HGF: variants seen among roughly 807,000 people sequenced by gnomAD.
The protein encoded by HGF is hepatocyte growth factor, also known as fibroblast-derived tumor cytotoxic factor.
HGF carries 39 observed loss-of-function variants against 111.6 expected under a neutral mutation model. That is an observed-to-expected ratio of 0.35 (90% confidence interval 0.27 to 0.46). HGF has a LOEUF of 0.46. HGF is among the 20% of genes least tolerant of loss of function. The probability of loss-of-function intolerance (pLI) is 1.00; values close to 1 mark genes in which losing one functional copy is unlikely to be tolerated. For missense variants in HGF, 735 were observed against 910.5 expected (o/e 0.81, Z 2.48); for synonymous variants, 285 against 294.8 (o/e 0.97, Z 0.34).
At position 81,758,724 on chromosome 7, in the gene HGF, A is replaced by G; in HGVS notation, c.335T>C (p.Phe112Ser). ...NSMSSGVKKEFGHEFDLYENK... is the reference protein window; with the variant it reads ...NSMSSGVKKESGHEFDLYENK... ...TTCATAGAGGTCAAATTCATGGCCA[A>G]ATTCTTTTTTCACTCCACTTGACAT... Residue 112 changes from phenylalanine (F) to serine (S), a missense_variant, in exon 3 of 18, where the codon TTT becomes TCT. Phe to Ser is a radical substitution (Grantham distance 155, BLOSUM62 -2). Around this residue, in one of 3 missense-constraint regions of HGF, gnomAD observed 553 missense variants for 685.6 expected, o/e 0.81. Coordinates refer to ENST00000222390, the MANE Select transcript of HGF (RefSeq NM_000601.6). 6.2e-7 allele frequency: 1 copy of G among 1,612,492 alleles called. No individual in the cohort carries two copies. Among genetic ancestry groups the G allele is most frequent in the Non-Finnish European group, 8.5e-7 (1 of 1,178,762 alleles).
chr7:81,764,363 T>C lies in HGF; in HGVS notation c.89-1491A>G, dbSNP rs77015139. Among the ~76,000 whole-genome samples the C allele has an allele frequency of 3.9e-3, 594 of 152,272 alleles. 5 individuals carry two copies. Among genetic ancestry groups the C allele is most frequent in the African/African-American group, 0.014 (567 of 41,580 alleles). On this transcript the variant is annotated intron_variant, in intron 1 of 17. Transcript: ENST00000222390. ...CACAATCTCCAAAAGACAATACTAA[T>C]TCCTGCAATGATGCTTTCATTTTTA... is the stretch of plus-strand genomic sequence containing the variant.
chr7:81,744,086 G>A (rs1054750565), intron 6 of HGF, among the ~76,000 whole-genome samples: 1 of 152,076 alleles, frequency 6.6e-6, no homozygotes, highest in Non-Finnish European at 1.5e-5. Context: ...AAATAAGCTG[G>A]AGTTTTAATT....
chr7:81,726,226 AT>A lies in HGF; in HGVS notation c.1041-210del, dbSNP rs754641222. On this transcript the variant is annotated intron_variant, in intron 8 of 17. Transcript: ENST00000222390. ...GAAATAAATGCTGTCATATGTTAAT[AT>A]TTTTTTCCTTCCACAGGCCTAGAGT... 3.3e-5 allele frequency among the ~76,000 whole-genome samples: 5 copies of A among 152,172 alleles called. No homozygotes were observed. In the East Asian group the frequency reaches 9.7e-4, roughly 29 times the overall value.
intron 2 of HGF, among the ~76,000 whole-genome samples, chr7:81,761,166 C>G (rs113656461): frequency 1.2e-4 from 19 of 152,314 alleles, no homozygotes; most frequent in African/African-American, 4.1e-4. Flanking sequence ...TGAATCTACA[C>G]AGCTGAGATG....
chr7:81,722,425 A>G (rs1270572999), intron 9 of HGF, among the ~76,000 whole-genome samples: 1 of 151,684 alleles, frequency 6.6e-6, no homozygotes, highest in African/African-American at 2.4e-5. Context: ...TCGGACTTCC[A>G]AAGTGCTGGG....
chr7:81,707,020 G>T (rs1789445902), intron 14 of HGF, among the ~76,000 whole-genome samples: 1 of 151,870 alleles, frequency 6.6e-6, no homozygotes, highest in African/African-American at 2.4e-5. Context: ...CAAGTAGAAA[G>T]TTGGGATATA....
chr7:81,719,794 G>A (rs189820237), intron 10 of HGF, among the ~76,000 whole-genome samples: 1 of 152,126 alleles, frequency 6.6e-6, no homozygotes, highest in East Asian at 1.9e-4. Context: ...ATCCACTATT[G>A]AGTACATTTT....
At chr7:81,735,414 T>G (rs1787794112) in intron 7 of HGF, among the ~76,000 whole-genome samples, 1 of 152,076 alleles carries the variant, frequency 6.6e-6, no homozygotes, top group Non-Finnish European at 1.5e-5. Flanking sequence ...ACGGCATTGT[T>G]TTTTTCTGAC....
chr7:81,703,096 T>C (rs1386893296), intron 17 of HGF, among the ~76,000 whole-genome samples: 5 of 151,716 alleles, frequency 3.3e-5, no homozygotes, highest in Non-Finnish European at 5.9e-5. Flanking sequence ...TTTAATAAGG[T>C]AGATTTGATA....
In HGF at chr7:81,711,472, ATTAC is replaced by A. The variant is rs1321593678; in HGVS notation, c.1444+5_1444+8del. The A allele has an allele frequency of 2.1e-6, 3 of 1,446,334 alleles. No individual in the cohort carries two copies. The highest frequency in any genetic ancestry group is 2.3e-5 in the East Asian group (1 of 42,846). The allele number at this position is 1,446,334 out of a possible 1,614,324, so 89.6% of individuals were successfully genotyped here. A position where few individuals can be genotyped will look rare whatever the true frequency, so the allele number is the denominator to read the frequency against. On this transcript the variant is annotated splice_donor_5th_base_variant and intron_variant, in intron 12 of 17. Transcript: ENST00000222390. ...CAGAATATACTTTATATTGTGAAAT[ATTAC>A]TTACGGTCTAAATTGACTATTGTAG...
chr7:81,709,715 A>G (rs1789522042), intron 13 of HGF, among the ~76,000 whole-genome samples: 4 of 152,198 alleles, frequency 2.6e-5, no homozygotes, highest in Admixed American at 2.6e-4. Flanking sequence ...TTGACAAGGA[A>G]AAAGTCAGAA....
intron 7 of HGF, among the ~76,000 whole-genome samples, chr7:81,741,097 GAATGTC>G (rs1787983866): frequency 1.3e-5 from 2 of 152,104 alleles, no homozygotes; most frequent in African/African-American, 4.8e-5. Flanking sequence ...ATGGTTTCCA[GAATGTC>G]AATTTTATTT....
At chr7:81,743,015 C>A in intron 7 of HGF, 1 of 1,389,262 alleles carries the variant, frequency 7.2e-7, no homozygotes, top group Admixed American at 1.7e-5. Flanking sequence ...CTAGCTTTTA[C>A]TCCCCTAATG....
At position 81,769,970 on chromosome 7, in the gene HGF, ATGGTGC is replaced by A. The variant is rs1208632814; in HGVS notation, c.-5_1del. The stretch of plus-strand genomic sequence containing the variant: ...GGCTGGCAGGAGTTTGGTCACCCAC[ATGGTGC>A]TGCTGGACGGGCTGGCGGATCCCTC... On this transcript the variant is annotated start_lost and start_retained_variant and 5_prime_UTR_variant, in exon 1 of 18. Transcript: ENST00000222390. 2 of 1,554,452 alleles carry A rather than the reference ATGGTGC, an allele frequency of 1.3e-6. No homozygotes were observed. The highest frequency in any genetic ancestry group is 1.7e-6 in the Non-Finnish European group (2 of 1,148,886).
chr7:81,751,172 G>A (rs1451973041), intron 5 of HGF: 6 of 902,352 alleles, frequency 6.6e-6, no homozygotes, highest in African/African-American at 5.4e-5. Flanking sequence ...AAAATATTTG[G>A]TTAATAACAA....
chr7:81,751,378 A>G, intron 5 of HGF: 1 of 985,206 alleles, frequency 1.0e-6, no homozygotes, highest in Non-Finnish European at 1.2e-6. Context: ...GAAACCACAT[A>G]CAATGCTGAA....
intron 1 of HGF, among the ~76,000 whole-genome samples, chr7:81,768,424 GGCTGAAGT>G (rs1789468099): frequency 6.6e-6 from 1 of 152,110 alleles, no homozygotes; most frequent in South Asian, 2.1e-4. Flanking sequence ...CCGTTCCCCA[GGCTGAAGT>G]GCGGTGACAC....
At chr7:81,763,762 T>C (rs1789218635) in intron 1 of HGF, among the ~76,000 whole-genome samples, 1 of 152,158 alleles carries the variant, frequency 6.6e-6, no homozygotes, top group Admixed American at 6.5e-5. Flanking sequence ...AGCTATTGTG[T>C]AATAAGGATA....
intron 1 of HGF, among the ~76,000 whole-genome samples, chr7:81,765,241 G>A (rs1789299546): frequency 6.6e-6 from 1 of 151,976 alleles, no homozygotes; most frequent in African/African-American, 2.4e-5. Context: ...CAAAATGAAG[G>A]CAAGCCATGA....
Sources: gnomAD v4.1 joint callset for allele counts (sites outside exome capture counted in the v4.1 genomes callset) on GRCh38, gnomAD v4.1.1 for gene constraint, gnomAD v4.1.1 regional missense constraint, MANE v1.5 for transcripts, NCBI Gene and HGNC (gene_info 2026-07-23, HGNC 2026-07-21) for gene names.